COBL: variants seen among roughly 807,000 people sequenced by gnomAD.
COBL encodes the protein cordon-bleu WH2 repeat protein.
Under a neutral mutation model 98.8 loss-of-function variants are expected in COBL, and 51 were observed. That is an observed-to-expected ratio of 0.52 (90% confidence interval 0.41 to 0.65). The LOEUF is 0.65. COBL is among the 30% of genes least tolerant of loss of function. The probability of loss-of-function intolerance (pLI) is 0.00; values close to 1 mark genes in which losing one functional copy is unlikely to be tolerated. For missense variants in COBL, 1,617 were observed against 1,617.5 expected (o/e 1.00, Z 0.01); for synonymous variants, 634 against 651.7 (o/e 0.97, Z 0.41).
intron 7 of COBL, among the ~76,000 whole-genome samples, chr7:51,056,685 C>T (rs1275682749): frequency 2.0e-5 from 3 of 152,070 alleles, no homozygotes; most frequent in South Asian, 2.1e-4. Flanking sequence ...ATACTCTAAT[C>T]GGGGCTTGTT....
chr7:51,095,546 G>A (rs1223776471), intron 6 of COBL, among the ~76,000 whole-genome samples: 2 of 113,194 alleles, frequency 1.8e-5, no homozygotes, highest in African/African-American at 7.2e-5. Context: ...AAATGTAAAT[G>A]GATTAAACTC....
At chr7:51,095,321 A>G (rs1466951606) in intron 6 of COBL, among the ~76,000 whole-genome samples, 2 of 152,194 alleles carry the variant, frequency 1.3e-5, no homozygotes, top group Admixed American at 6.5e-5. Flanking sequence ...ATGACCTCCC[A>G]TTGGGTCCCT....
intron 12 of COBL, 81 bp from the exon 13 acceptor site, chr7:51,017,649 G>A: frequency 7.1e-7 from 1 of 1,415,288 alleles, no homozygotes; most frequent in Non-Finnish European, 1.0e-6. Context: ...AGAGCTCTGT[G>A]CACAGCCACT....
chr7:51,060,095 G>A (rs1791178636), intron 7 of COBL, among the ~76,000 whole-genome samples: 1 of 152,142 alleles, frequency 6.6e-6, no homozygotes, highest in Non-Finnish European at 1.5e-5. Flanking sequence ...CACCCTGGCT[G>A]TCTGACAGCA....
chr7:51,061,501 T>C (rs1394797740), intron 7 of COBL, among the ~76,000 whole-genome samples: 1 of 152,122 alleles, frequency 6.6e-6, no homozygotes, highest in Non-Finnish European at 1.5e-5. Context: ...TTGTTTTGTC[T>C]TTCTCTGGAG....
intron 7 of COBL, among the ~76,000 whole-genome samples, chr7:51,046,616 T>C (rs1159235987): frequency 6.6e-6 from 1 of 152,204 alleles, no homozygotes; most frequent in Non-Finnish European, 1.5e-5. Context: ...GAGATAATGG[T>C]GCAGGAGACT....
intron 1 of COBL, among the ~76,000 whole-genome samples, chr7:51,235,999 A>G (rs911145792): frequency 2.0e-5 from 3 of 151,942 alleles, no homozygotes; most frequent in Non-Finnish European, 4.4e-5. Context: ...ATCCCCTTGG[A>G]AAAAAAACAT....
chr7:51,109,594 CCT>C (rs1004032661), intron 6 of COBL, among the ~76,000 whole-genome samples: 1 of 152,118 alleles, frequency 6.6e-6, no homozygotes, highest in Non-Finnish European at 1.5e-5. Context: ...ATGCTTCTTC[CCT>C]CTCTGTCGTT....
In COBL at chr7:51,220,057, C is replaced by T. The variant is rs1793482856; in HGVS notation, c.42-113G>A. The T allele has an allele frequency of 1.5e-5, 14 of 928,790 alleles. No homozygotes were observed. In the East Asian group the frequency reaches 3.7e-4, roughly 25 times the overall value. 57.5% of individuals were successfully genotyped at this position (928,790 alleles called of 1,614,324 possible). A position where few individuals can be genotyped will look rare whatever the true frequency, so the allele number is the denominator to read the frequency against. ...GTCTTCAGGAGCACCTTCCAAGTGC[C>T]ACGGCCTTTTTAAAATCAATGTCCC... On this transcript the variant is annotated intron_variant, in intron 1 of 12. Coordinates refer to ENST00000265136, the MANE Select transcript of COBL (RefSeq NM_015198.5).
chr7:51,062,157 T>G (rs1356304265), intron 7 of COBL, among the ~76,000 whole-genome samples: 1 of 152,188 alleles, frequency 6.6e-6, no homozygotes, highest in African/African-American at 2.4e-5. Flanking sequence ...AACATACATT[T>G]AGCAATGGTC....
intron 6 of COBL, among the ~76,000 whole-genome samples, chr7:51,134,281 G>A (rs1799018492): frequency 6.6e-6 from 1 of 152,314 alleles, no homozygotes; most frequent in East Asian, 1.9e-4. Context: ...GCTTAAAAAG[G>A]AAGATGGTTT....
At chr7:51,311,697 C>T (rs929600639) in intron 1 of COBL, among the ~76,000 whole-genome samples, 1 of 151,548 alleles carries the variant, frequency 6.6e-6, no homozygotes, top group Non-Finnish European at 1.5e-5. Context: ...AAGGTGGAAG[C>T]GAGAAAGCAA....
At chr7:51,205,661 T>TA (rs1554428998) in intron 2 of COBL, among the ~76,000 whole-genome samples, 27 of 150,802 alleles carry the variant, frequency 1.8e-4, no homozygotes, top group African/African-American at 5.6e-4. Context: ...TTTTTTTTTT[T>TA]ACAGATATGA....
At chr7:51,187,310 G>GTATATATATATA (rs67807746) in intron 4 of COBL, among the ~76,000 whole-genome samples, 49 of 138,406 alleles carry the variant, frequency 3.5e-4, no homozygotes, top group Admixed American at 1.5e-3. Flanking sequence ...ATATGTTTAA[G>GTATATATATATA]TATATATATA....
chr7:51,021,317 A>T (rs1047152718), intron 12 of COBL: 5 of 152,188 alleles, frequency 3.3e-5, no homozygotes, highest in Non-Finnish European at 5.9e-5. Context: ...TTACTTTTTT[A>T]AAAAAATTTC....
At chr7:51,306,512 C>T (rs1802489067) in intron 1 of COBL, among the ~76,000 whole-genome samples, 1 of 152,122 alleles carries the variant, frequency 6.6e-6, no homozygotes, top group Non-Finnish European at 1.5e-5. Flanking sequence ...AGACACTGAG[C>T]TGGGCCAACA....
At chr7:51,038,285 T>G (rs1477562972) in intron 8 of COBL, among the ~76,000 whole-genome samples, 2 of 152,244 alleles carry the variant, frequency 1.3e-5, no homozygotes, top group Non-Finnish European at 2.9e-5. Flanking sequence ...AAGCAGGTGC[T>G]GCAGCAGCAG....
At chr7:51,264,765 C>A (rs1468605521) in intron 1 of COBL, among the ~76,000 whole-genome samples, 1 of 151,468 alleles carries the variant, frequency 6.6e-6, no homozygotes, top group Admixed American at 6.6e-5. Flanking sequence ...TCAAAACACA[C>A]CAGCTGAGGT....
intron 7 of COBL, among the ~76,000 whole-genome samples, chr7:51,081,344 T>C (rs184265112): frequency 6.6e-5 from 10 of 152,274 alleles, no homozygotes; most frequent in Non-Finnish European, 1.3e-4. Context: ...TGAACTGGTA[T>C]GGAGTTGGCA....
Sources: gnomAD v4.1 joint callset for allele counts (sites outside exome capture counted in the v4.1 genomes callset) on GRCh38, gnomAD v4.1.1 for gene constraint, MANE v1.5 for transcripts, NCBI Gene and HGNC (gene_info 2026-07-23, HGNC 2026-07-21) for gene names.